The following TRDMT1 variants were observed in gnomAD, a reference collection of about 807,000 sequenced individuals.
TRDMT1 encodes the protein tRNA aspartic acid methyltransferase 1.
TRDMT1 carries 49 observed loss-of-function variants against 51.2 expected under a neutral mutation model. That is an observed-to-expected ratio of 0.96 (90% CI 0.76 to 1.21). The LOEUF is 1.21. Ranked by LOEUF, TRDMT1 falls within the 50% of genes most tolerant of loss-of-function variation. The probability of loss-of-function intolerance (pLI) is 0.00; values close to 1 mark genes in which losing one functional copy is unlikely to be tolerated. For missense variants in TRDMT1, 534 were observed against 462.3 expected (o/e 1.16, Z -1.42); for synonymous variants, 187 against 164.6 (o/e 1.14, Z -1.04).
intron 10 of TRDMT1, 144 bp downstream of exon 10, chr10:17,153,363 G>T: frequency 1.1e-6 from 1 of 938,304 alleles, no homozygotes; most frequent in Non-Finnish European, 1.6e-6. Flanking sequence ...AAAGAGGGCA[G>T]AAAGATGCCA....
intron 3 of TRDMT1, 97 bp downstream of exon 3, chr10:17,168,743 TA>T: frequency 1.2e-6 from 1 of 829,452 alleles, no homozygotes; most frequent in Non-Finnish European, 1.9e-6. Flanking sequence ...GTAAGTCTAG[TA>T]AACCTCTTTC....
At chr10:17,194,112 G>T (rs1193514908) in intron 1 of TRDMT1, among the ~76,000 whole-genome samples, 2 of 152,164 alleles carry the variant, frequency 1.3e-5, no homozygotes, top group African/African-American at 2.4e-5. Flanking sequence ...ATATGCAGGA[G>T]AATGAAACTA....
chr10:17,183,277 G>A (rs968330328), intron 1 of TRDMT1, among the ~76,000 whole-genome samples: 1 of 151,798 alleles, frequency 6.6e-6, no homozygotes, highest in Admixed American at 6.6e-5. Context: ...GTGTATGTGT[G>A]CACCTTAAGA....
intron 1 of TRDMT1, among the ~76,000 whole-genome samples, chr10:17,195,813 T>G (rs1285587442): frequency 6.6e-6 from 1 of 152,188 alleles, no homozygotes; most frequent in Non-Finnish European, 1.5e-5. Context: ...AATGATAAAT[T>G]TATTTTAATA....
rs879560445 is a variant in TRDMT1, at chr10:17,139,373, C to T, written c.*9667G>A. On this transcript the variant is annotated 3_prime_UTR_variant, in exon 11 of 11. Coordinates refer to ENST00000377799, the MANE Select transcript of TRDMT1 (RefSeq NM_004412.7). ...AATGTAGGTGGTAAATAACTGCAAA[C>T]AACTTATATTGGATCTGATCTTAGG... 1.3e-5 allele frequency among the ~76,000 whole-genome samples: 2 copies of T among 151,994 alleles called. No homozygotes were observed. Among genetic ancestry groups the T allele is most frequent in the African/African-American group, 2.4e-5 (1 of 41,378 alleles).
Position 17,140,036 on chromosome 10 carries a change from G to T in TRDMT1, c.*9004C>A, listed in dbSNP as rs1413859632. 1.5e-4 allele frequency among the ~76,000 whole-genome samples: 6 copies of T among 39,632 alleles called. No homozygotes were observed. The highest frequency in any genetic ancestry group is 2.6e-4 in the Non-Finnish European group (5 of 18,942). 26.0% of individuals were successfully genotyped at this position (39,632 alleles called of 152,430 possible). A position where few individuals can be genotyped will look rare whatever the true frequency, so the allele number is the denominator to read the frequency against. ...ATATTCTTCCAGTAACATCTAGTGT[G>T]CTTTTTTTTTTTTTTTTTTTTTTTT... is the stretch of plus-strand genomic sequence containing the variant. On this transcript the variant is annotated 3_prime_UTR_variant, in exon 11 of 11. Coordinates refer to ENST00000377799, the MANE Select transcript of TRDMT1 (RefSeq NM_004412.7).
At chr10:17,180,841 T>G (rs548918226) in intron 1 of TRDMT1, among the ~76,000 whole-genome samples, 1 of 152,294 alleles carries the variant, frequency 6.6e-6, no homozygotes, top group African/African-American at 2.4e-5. Context: ...GAAAGATGGA[T>G]AGCAAACAAC....
chr10:17,171,111 A>ATGTGTGTGTGTGTGTGTGTGTG (rs66891484), intron 2 of TRDMT1, among the ~76,000 whole-genome samples: 1 of 142,824 alleles, frequency 7.0e-6, no homozygotes, highest in Non-Finnish European at 1.5e-5. Context: ...CTGGATTTAG[A>ATGTGTGTGTGTGTGTGTGTGTG]TGTGTGTGTG....
intron 2 of TRDMT1, among the ~76,000 whole-genome samples, chr10:17,173,866 G>C (rs903573696): frequency 1.3e-5 from 2 of 151,054 alleles, no homozygotes; most frequent in African/African-American, 4.9e-5. Context: ...CTGGGTTCAA[G>C]CGATTCTCCT....
intron 1 of TRDMT1, among the ~76,000 whole-genome samples, chr10:17,195,749 C>G (rs920677139): frequency 3.3e-5 from 5 of 152,072 alleles, no homozygotes; most frequent in Admixed American, 2.6e-4. Flanking sequence ...ATTCATCTTA[C>G]GTATTTCTTT....
rs528237036 is a variant in TRDMT1 at position 17,137,739 on chromosome 10, C to G, written c.*11301G>C. Among the ~76,000 whole-genome samples, 31 of 151,232 alleles carry G rather than the reference C, an allele frequency of 2.0e-4. No homozygotes were observed. Among genetic ancestry groups the G allele is most frequent in the African/African-American group, 6.8e-4 (28 of 41,102 alleles). Reference sequence around the variant, plus strand: ...AGCTACTCAGGAGGCGAGGCTGAGGCAGGAGAATCGCTTGAACCCAGGAGG... The same window carrying G: ...AGCTACTCAGGAGGCGAGGCTGAGGGAGGAGAATCGCTTGAACCCAGGAGG... On this transcript the variant is annotated 3_prime_UTR_variant, in exon 11 of 11. Transcript: ENST00000377799.
At chr10:17,196,462 G>A (rs771504059) in intron 1 of TRDMT1, among the ~76,000 whole-genome samples, 7 of 152,174 alleles carry the variant, frequency 4.6e-5, no homozygotes, top group Non-Finnish European at 1.0e-4. Context: ...ATATTTGCAG[G>A]TGACCTTGCA....
chr10:17,196,096 T>C (rs1222803501), intron 1 of TRDMT1, among the ~76,000 whole-genome samples: 1 of 152,228 alleles, frequency 6.6e-6, no homozygotes, highest in Non-Finnish European at 1.5e-5. Context: ...TCTAGTAGAC[T>C]CCCAAGTTGG....
At position 17,137,549 on chromosome 10, in the gene TRDMT1, T is replaced by A. The variant is rs559129797; in HGVS notation, c.*11491A>T. On this transcript the variant is annotated 3_prime_UTR_variant, in exon 11 of 11. Coordinates refer to ENST00000377799, the MANE Select transcript of TRDMT1 (RefSeq NM_004412.7). ...GGCACACTATAGAAAGTGGTTCCAC[T>A]GGCCGGGCTCAGTGCCTCGTACCTG... 5 of 152,296 alleles carry A rather than the reference T, an allele frequency of 3.3e-5. No homozygotes were observed. In the East Asian group the frequency reaches 9.7e-4, roughly 30 times the overall value. The allele number at this position is 152,296 out of a possible 1,614,324, so 9.4% of individuals were successfully genotyped here.
At chr10:17,168,520 C>G (rs1028521352) in intron 3 of TRDMT1, among the ~76,000 whole-genome samples, 1 of 152,080 alleles carries the variant, frequency 6.6e-6, no homozygotes, top group Non-Finnish European at 1.5e-5. Flanking sequence ...TGAATTTCCA[C>G]GTGTTGTGGG....
intron 1 of TRDMT1, chr10:17,201,210 C>G (rs2131650821): frequency 8.8e-6 from 2 of 228,140 alleles, no homozygotes; most frequent in African/African-American, 4.6e-5. Flanking sequence ...GACCGAGTCT[C>G]CATGCTTCTC....
intron 1 of TRDMT1, among the ~76,000 whole-genome samples, chr10:17,188,326 A>G (rs1181689253): frequency 6.6e-6 from 1 of 152,180 alleles, no homozygotes; most frequent in Admixed American, 6.5e-5. Context: ...GAACGGGACA[A>G]TGCTTATGAA....
chr10:17,187,956 T>A (rs1480927314), intron 1 of TRDMT1, among the ~76,000 whole-genome samples: 1 of 152,096 alleles, frequency 6.6e-6, no homozygotes, highest in East Asian at 1.9e-4. Flanking sequence ...TGACTTCATA[T>A]TGTATAATTT....
At chr10:17,164,630 G>A (rs1277552966) in intron 3 of TRDMT1, among the ~76,000 whole-genome samples, 3 of 152,068 alleles carry the variant, frequency 2.0e-5, no homozygotes, top group African/African-American at 7.2e-5. Context: ...CCATCATCTC[G>A]GCCCAAAATC....
Sources: gnomAD v4.1 joint callset for allele counts (sites outside exome capture counted in the v4.1 genomes callset) on GRCh38, gnomAD v4.1.1 for gene constraint, MANE v1.5 for transcripts, NCBI Gene and HGNC (gene_info 2026-07-23, HGNC 2026-07-21) for gene names.